Variants in RPH3A observed in about 807,000 individuals in gnomAD.
RPH3A encodes rabphilin 3A.
RPH3A carries 48 observed loss-of-function variants against 102.2 expected under a neutral mutation model. That is an observed-to-expected ratio of 0.47 (90% CI 0.37 to 0.60). The LOEUF (loss-of-function observed/expected upper bound fraction) is 0.60, where lower values mean the gene tolerates loss of function less well. RPH3A is among the 20% of genes least tolerant of loss of function. The pLI is 0.00. For missense variants in RPH3A, 781 were observed against 910.1 expected (o/e 0.86, Z 1.83); for synonymous variants, 310 against 324.3 (o/e 0.96, Z 0.47).
intron 1 of RPH3A, among the ~76,000 whole-genome samples, chr12:112,740,754 T>C (rs2040703319): frequency 6.6e-6 from 1 of 152,232 alleles, no homozygotes; most frequent in Non-Finnish European, 1.5e-5. Flanking sequence ...TCAGCAGCAA[T>C]TCAGGCGCGG....
At chr12:112,614,860 C>A (rs1429584053) in intron 1 of RPH3A, among the ~76,000 whole-genome samples, 1 of 152,078 alleles carries the variant, frequency 6.6e-6, no homozygotes, top group African/African-American at 2.4e-5. Context: ...TCATGGCTCA[C>A]TGCAGTCTTG....
chr12:112,693,150 G>C (rs2136023576), intron 1 of RPH3A, among the ~76,000 whole-genome samples: 1 of 152,334 alleles, frequency 6.6e-6, no homozygotes, highest in Non-Finnish European at 1.5e-5. Flanking sequence ...ACACCATACT[G>C]TCCAGGGATC....
chr12:112,801,566 C>T (rs890966521), intron 2 of RPH3A, among the ~76,000 whole-genome samples: 1 of 152,104 alleles, frequency 6.6e-6, no homozygotes, highest in South Asian at 2.1e-4. Context: ...GTTGGTGACC[C>T]GGAGGGGGAC....
At chr12:112,893,232 T>C (rs1443492228) in intron 19 of RPH3A, 1 of 152,072 alleles carries the variant, frequency 6.6e-6, no homozygotes, top group East Asian at 1.9e-4. Context: ...CAAATAAAGA[T>C]TTTTTAAAAG....
chr12:112,723,065 G>T (rs191738851), intron 1 of RPH3A, among the ~76,000 whole-genome samples: 19 of 152,234 alleles, frequency 1.2e-4, no homozygotes, highest in Middle Eastern at 3.4e-3. Context: ...ACAATTTGCC[G>T]AAATTGTTCA....
Position 112,804,864 on chromosome 12 carries a change from G to A in RPH3A, c.-19+12601G>A, listed in dbSNP as rs538411324. Among the ~76,000 whole-genome samples, 4 of 152,146 alleles carry A rather than the reference G, an allele frequency of 2.6e-5. No individual in the cohort carries two copies. The East Asian group carries it at 7.7e-4, about 29-fold the overall frequency. ...GCAGCCAATACGAACTCTTTCTTTC[G>A]TCTTTGGATTTTCCTAATTCAGGAA... On this transcript the variant is annotated intron_variant, in intron 2 of 21. Transcript: ENST00000389385.
intron 2 of RPH3A, among the ~76,000 whole-genome samples, chr12:112,795,601 G>A (rs1203065471): frequency 6.6e-6 from 1 of 152,166 alleles, no homozygotes; most frequent in East Asian, 1.9e-4. Flanking sequence ...TCCTTGCTGT[G>A]TGACTTCAGA....
chr12:112,753,856 CG>C (rs1204789840), intron 1 of RPH3A, among the ~76,000 whole-genome samples: 3 of 152,020 alleles, frequency 2.0e-5, no homozygotes, highest in Non-Finnish European at 4.4e-5. Flanking sequence ...TTTGAAGATG[CG>C]ATAAAGTTAA....
rs1031845343 is a variant in RPH3A, at chr12:112,672,038, TTA to T, written c.-140+96733_-140+96734del. 1.3e-4 allele frequency among the ~76,000 whole-genome samples: 20 copies of T among 148,568 alleles called. No individual in the cohort carries two copies. The South Asian group carries it at 1.5e-3, about 11-fold the overall frequency. On this transcript the variant is annotated intron_variant, in intron 1 of 21. Coordinates refer to the RPH3A transcript ENST00000543106. The stretch of plus-strand genomic sequence containing the variant: ...TTTAGTGACTTAAATATATATATAT[TTA>T]TATATATATATATGAGAGAGATTGA...
At chr12:112,790,736 C>T (rs2041090270), upstream of RPH3A, among the ~76,000 whole-genome samples, 1 of 152,196 alleles carries the variant, frequency 6.6e-6, no homozygotes, top group Non-Finnish European at 1.5e-5. Context: ...CAGTCTGGAT[C>T]TTTCGGGGAA....
chr12:112,839,634 C>G (rs895254365), intron 4 of RPH3A, among the ~76,000 whole-genome samples: 1 of 152,206 alleles, frequency 6.6e-6, no homozygotes, highest in African/African-American at 2.4e-5. Flanking sequence ...CAACATCACT[C>G]CCCTGCATTT....
chr12:112,838,805 T>G (rs2136173393), intron 4 of RPH3A, among the ~76,000 whole-genome samples: 1 of 152,252 alleles, frequency 6.6e-6, no homozygotes, highest in Non-Finnish European at 1.5e-5. Context: ...TTGCCTTCCA[T>G]TTTGCCCTGT....
At chr12:112,807,540 T>C (rs1321717529) in intron 2 of RPH3A, among the ~76,000 whole-genome samples, 1 of 152,202 alleles carries the variant, frequency 6.6e-6, no homozygotes, top group African/African-American at 2.4e-5. Flanking sequence ...ACCAAATCTC[T>C]CTGCATCTCA....
chr12:112,875,823 A>G, intron 12 of RPH3A, 82 bp downstream of exon 12: 1 of 1,297,902 alleles, frequency 7.7e-7, no homozygotes, highest in Non-Finnish European at 1.1e-6. Flanking sequence ...AGCTGCCAGA[A>G]CGTGACTCAG....
chr12:112,866,206 C>T (rs920374884), intron 6 of RPH3A, among the ~76,000 whole-genome samples: 9 of 152,112 alleles, frequency 5.9e-5, no homozygotes, highest in Admixed American at 2.6e-4. Flanking sequence ...TGAAATCTTG[C>T]GAAAAGTTTA....
At chr12:112,787,923 C>CA (rs1251031008), upstream of RPH3A, among the ~76,000 whole-genome samples, 2 of 152,196 alleles carry the variant, frequency 1.3e-5, no homozygotes, top group African/African-American at 4.8e-5. Context: ...TAGAGCAAGG[C>CA]AGCTTGCTGA....
At chr12:112,863,164 C>T (rs565337749) in intron 5 of RPH3A, among the ~76,000 whole-genome samples, 1 of 152,238 alleles carries the variant, frequency 6.6e-6, no homozygotes, top group Non-Finnish European at 1.5e-5. Flanking sequence ...TCATGTGCCA[C>T]CACCTGGGAG....
intron 13 of RPH3A, 72 bp from the exon 14 acceptor site, chr12:112,879,047 G>A (rs1260781952): frequency 1.5e-5 from 20 of 1,327,338 alleles, no homozygotes. Flanking sequence ...TGGGCATATA[G>A]TAAGTGTTCA....
chr12:112,816,058 C>G (rs985144573), intron 2 of RPH3A, among the ~76,000 whole-genome samples: 9 of 152,178 alleles, frequency 5.9e-5, no homozygotes, highest in Non-Finnish European at 4.4e-5. Flanking sequence ...TTGGGTTCCC[C>G]TATCCAGCAG....
Sources: allele counts gnomAD v4.1 joint callset (sites outside exome capture counted in the v4.1 genomes callset), GRCh38; gene constraint gnomAD v4.1.1; transcripts MANE v1.5; gene names NCBI Gene and HGNC (gene_info 2026-07-23, HGNC 2026-07-21).